Variants in BMERB1 observed in about 807,000 individuals in gnomAD.
The protein encoded by BMERB1 is bMERB domain containing 1.
Under a neutral mutation model 23.6 loss-of-function variants are expected in BMERB1, and 12 were observed. The ratio of observed to expected loss-of-function variants is 0.51; its 90% CI spans 0.33 to 0.82. The LOEUF (loss-of-function observed/expected upper bound fraction) is 0.82. Among genes scored for constraint, BMERB1 ranks in the 40% least tolerant of loss-of-function variants. BMERB1 has a pLI of 0.03. For missense variants in BMERB1, 247 were observed against 255.4 expected, an observed-to-expected ratio of 0.97 and a Z score of 0.22; for synonymous variants, 122 against 96.6, an observed-to-expected ratio of 1.26 and a Z score of -1.54.
At chr16:15,498,624 G>C (rs952948168) in intron 1 of BMERB1, among the ~76,000 whole-genome samples, 1 of 150,750 alleles carries the variant, frequency 6.6e-6, no homozygotes, top group African/African-American at 2.4e-5. Flanking sequence ...AAAAAAGAAA[G>C]AGAAAGGAAG....
At chr16:15,582,234 A>G (rs972293141) in intron 4 of BMERB1, among the ~76,000 whole-genome samples, 2 of 152,176 alleles carry the variant, frequency 1.3e-5, no homozygotes, top group African/African-American at 2.4e-5. Flanking sequence ...CCCCGTCTCT[A>G]CTAAAACTAC....
intron 1 of BMERB1, among the ~76,000 whole-genome samples, chr16:15,459,330 G>A (rs767050533): frequency 2.7e-5 from 4 of 150,654 alleles, no homozygotes; most frequent in East Asian, 1.9e-4. Flanking sequence ...GGCAAAGATC[G>A]TCAGACTGGA....
At chr16:15,576,063 G>A (rs1362013746) in intron 3 of BMERB1, among the ~76,000 whole-genome samples, 1 of 139,776 alleles carries the variant, frequency 7.2e-6, no homozygotes, top group African/African-American at 2.9e-5. Context: ...TTTTGAGACA[G>A]AGTCTTGCTC....
chr16:15,503,063 G>T (rs1165834549), intron 1 of BMERB1, among the ~76,000 whole-genome samples: 1 of 152,118 alleles, frequency 6.6e-6, no homozygotes, highest in Non-Finnish European at 1.5e-5. Context: ...CGCATCCTTA[G>T]ATTCAACCAA....
intron 2 of BMERB1, among the ~76,000 whole-genome samples, chr16:15,519,074 T>TACACACACAC (rs145892599): frequency 0.045 from 6,389 of 140,502 alleles, 173 homozygotes; most frequent in Middle Eastern, 0.08. Context: ...ACAATCCTCT[T>TACACACACAC]ACACACACAC....
intron 1 of BMERB1, among the ~76,000 whole-genome samples, chr16:15,466,720 CTG>C (rs35112172): frequency 0.87 from 131,838 of 150,704 alleles, 60,293 homozygotes; most frequent in Non-Finnish European, 0.99. Flanking sequence ...ATGTGTGTGT[CTG>C]TGTGTGTGTG....
At chr16:15,563,236 AT>A (rs1167579157) in intron 2 of BMERB1, among the ~76,000 whole-genome samples, 2 of 151,634 alleles carry the variant, frequency 1.3e-5, no homozygotes, top group Admixed American at 6.6e-5. Context: ...AAACAAAAAA[AT>A]TTTTTTTTGG....
intron 3 of BMERB1, among the ~76,000 whole-genome samples, chr16:15,571,312 C>T (rs1024537035): frequency 4.6e-5 from 7 of 151,754 alleles, no homozygotes; most frequent in East Asian, 1.9e-4. Flanking sequence ...TTCACTATAC[C>T]AAAAGGAAAA....
intron 2 of BMERB1, among the ~76,000 whole-genome samples, chr16:15,522,455 G>A (rs944029407): frequency 6.6e-6 from 1 of 150,876 alleles, no homozygotes; most frequent in African/African-American, 2.5e-5. Flanking sequence ...ACACACACAC[G>A]GAAAGTGTGT....
At chr16:15,504,668 G>A (rs2051566113) in intron 1 of BMERB1, among the ~76,000 whole-genome samples, 1 of 151,732 alleles carries the variant, frequency 6.6e-6, no homozygotes, top group Admixed American at 6.6e-5. Flanking sequence ...GCCCAGGCTG[G>A]TCTTAAACTC....
chr16:15,510,095 G>A (rs983125959), intron 1 of BMERB1, among the ~76,000 whole-genome samples: 13 of 152,162 alleles, frequency 8.5e-5, no homozygotes, highest in African/African-American at 3.1e-4. Context: ...GCCAAGAAAA[G>A]ATCCATCCCT....
intron 2 of BMERB1, among the ~76,000 whole-genome samples, chr16:15,531,441 G>A (rs1380068066): frequency 1.3e-5 from 2 of 152,104 alleles, no homozygotes; most frequent in Non-Finnish European, 2.9e-5. Context: ...GGTTCATTAG[G>A]ACATGGATAT....
intron 1 of BMERB1, among the ~76,000 whole-genome samples, chr16:15,465,643 G>A (rs904426035): frequency 6.6e-6 from 1 of 152,038 alleles, no homozygotes; most frequent in African/African-American, 2.4e-5. Context: ...GTGACCCACC[G>A]CACCCAGCCC....
intron 2 of BMERB1, among the ~76,000 whole-genome samples, chr16:15,529,015 G>C (rs1313941905): frequency 6.6e-6 from 1 of 151,500 alleles, no homozygotes; most frequent in Non-Finnish European, 1.5e-5. Flanking sequence ...TGAAAAATAA[G>C]TGTTTGTTTG....
At chr16:15,500,398 G>A (rs2051516543) in intron 1 of BMERB1, among the ~76,000 whole-genome samples, 1 of 152,206 alleles carries the variant, frequency 6.6e-6, no homozygotes, top group African/African-American at 2.4e-5. Flanking sequence ...ACCAAAGGCA[G>A]GGCCACCCAT....
At chr16:15,499,640 A>G (rs1416592503) in intron 1 of BMERB1, among the ~76,000 whole-genome samples, 1 of 151,158 alleles carries the variant, frequency 6.6e-6, no homozygotes, top group Non-Finnish European at 1.5e-5. Context: ...ATCTGTGGAC[A>G]CCTTCTCTCT....
At chr16:15,504,980 A>G (rs1776094326) in intron 1 of BMERB1, among the ~76,000 whole-genome samples, 1 of 152,010 alleles carries the variant, frequency 6.6e-6, no homozygotes, top group African/African-American at 2.4e-5. Context: ...CCTTTGTTAT[A>G]TGAGCTGGGT....
chr16:15,579,472 A>G (rs780083519), intron 3 of BMERB1, among the ~76,000 whole-genome samples: 1 of 152,132 alleles, frequency 6.6e-6, no homozygotes, highest in African/African-American at 2.4e-5. Context: ...TTTCTGTCCT[A>G]TCCAAATATT....
At chr16:15,576,167 C>T (rs111695018) in intron 3 of BMERB1, among the ~76,000 whole-genome samples, 4,502 of 151,962 alleles carry the variant, frequency 0.03, 96 homozygotes, top group Non-Finnish European at 0.048. Flanking sequence ...CCTCAGCCTC[C>T]TGAGTAGCTG....
Sources: allele counts gnomAD v4.1 joint callset (sites outside exome capture counted in the v4.1 genomes callset), GRCh38; gene constraint gnomAD v4.1.1; transcripts MANE v1.5; gene names NCBI Gene and HGNC (gene_info 2026-07-23, HGNC 2026-07-21).